Variants in KIF26B observed in about 807,000 individuals in gnomAD.
KIF26B encodes the protein kinesin-like protein KIF26B.
A neutral mutation model predicts 151.2 loss-of-function variants in KIF26B; 63 were observed. The ratio of observed to expected loss-of-function variants is 0.42; its 90% confidence interval spans 0.34 to 0.51. The LOEUF is 0.51. KIF26B is among the 20% of genes least tolerant of loss of function. The pLI, the probability that KIF26B is intolerant of heterozygous loss-of-function variation, is 0.07. For missense variants in KIF26B, 2,813 were observed against 2,913.6 expected (o/e 0.97, Z 0.79); for synonymous variants, 1,357 against 1,262.1 (o/e 1.08, Z -1.59).
chr1:245,654,099 G>T (rs1340382741), intron 10 of KIF26B, among the ~76,000 whole-genome samples: 1 of 152,164 alleles, frequency 6.6e-6, no homozygotes, highest in Non-Finnish European at 1.5e-5. Flanking sequence ...GACCCGAGGG[G>T]CAGGGCTGAT....
intron 3 of KIF26B, among the ~76,000 whole-genome samples, chr1:245,409,130 A>G (rs1674213072): frequency 2.6e-5 from 4 of 152,234 alleles, no homozygotes; most frequent in Admixed American, 2.6e-4. Flanking sequence ...AAGTATTGAG[A>G]TCCAGCATAC....
At chr1:245,266,367 T>G (rs1258774188) in intron 2 of KIF26B, among the ~76,000 whole-genome samples, 1 of 152,230 alleles carries the variant, frequency 6.6e-6, no homozygotes, top group African/African-American at 2.4e-5. Flanking sequence ...GCACAACTTT[T>G]GAAAGCAATT....
intron 2 of KIF26B, among the ~76,000 whole-genome samples, chr1:245,179,114 C>CT (rs1668861326): frequency 6.6e-6 from 1 of 152,200 alleles, no homozygotes; most frequent in Admixed American, 6.5e-5. Context: ...CTGCCCCTGT[C>CT]TTTGTGAAAG....
chr1:245,196,129 A>G (rs1011929337), intron 2 of KIF26B, among the ~76,000 whole-genome samples: 1 of 152,174 alleles, frequency 6.6e-6, no homozygotes, highest in Non-Finnish European at 1.5e-5. Flanking sequence ...CAAGGACACA[A>G]TGATTTGATG....
chr1:245,682,192 C>T (rs1203283867), intron 10 of KIF26B, among the ~76,000 whole-genome samples: 1 of 152,148 alleles, frequency 6.6e-6, no homozygotes, highest in Admixed American at 6.5e-5. Flanking sequence ...TTGCAGTGAG[C>T]CGAGATCGTG....
chr1:245,523,520 T>G (rs2103092250), intron 4 of KIF26B, among the ~76,000 whole-genome samples: 1 of 152,286 alleles, frequency 6.6e-6, no homozygotes, highest in South Asian at 2.1e-4. Context: ...TTTTGTACAG[T>G]TCTAGAGGCC....
chr1:245,451,501 TG>T (rs1443517357), intron 4 of KIF26B, among the ~76,000 whole-genome samples: 1 of 151,698 alleles, frequency 6.6e-6, no homozygotes, highest in Non-Finnish European at 1.5e-5. Context: ...AGTTAGTTAA[TG>T]TATAGCCAAT....
chr1:245,602,774 C>T lies in KIF26B; in HGVS notation c.1548C>T (p.Asp516=), dbSNP rs368089035. The change falls in exon 6 of 15, where the codon GAC becomes GAT. Residue 516 remains aspartate, a synonymous_variant. Coordinates refer to ENST00000407071, the MANE Select transcript of KIF26B (RefSeq NM_018012.4). The surrounding 1 kb of genome is among the most constrained non-coding windows in gnomAD (Gnocchi z 4.5). ...MFAFDAVFPQ[D]ASQAEVCAGT... is the part of the protein sequence containing the mutation. ...CCTTCGATGCAGTTTTTCCACAAGA[C>T]GCTTCTCAGGTGGGTATCAGCCCCC... 33 of 1,613,438 alleles carry T rather than the reference C, an allele frequency of 2.0e-5. No individual in the cohort carries two copies. Among genetic ancestry groups the T allele is most frequent in the East Asian group, 1.3e-4 (6 of 44,890 alleles).
At chr1:245,297,999 G>T (rs896664640) in intron 2 of KIF26B, among the ~76,000 whole-genome samples, 3 of 152,134 alleles carry the variant, frequency 2.0e-5, no homozygotes, top group African/African-American at 7.2e-5. Flanking sequence ...TGATTCTCCT[G>T]CCTCAGCCTC....
rs761945813 is a variant in KIF26B at position 245,540,702 on chromosome 1, G to A, written c.1167-65G>A. 51 of 1,441,662 alleles carry A rather than the reference G, an allele frequency of 3.5e-5. No homozygotes were observed. The highest frequency in any genetic ancestry group is 5.7e-5 in the South Asian group (5 of 87,676). 89.3% of individuals were successfully genotyped at this position (1,441,662 alleles called of 1,614,324 possible). A position where few individuals can be genotyped will look rare whatever the true frequency, so the allele number is the denominator to read the frequency against. On this transcript the variant is annotated intron_variant, in intron 4 of 14. Coordinates refer to ENST00000407071, the MANE Select transcript of KIF26B (RefSeq NM_018012.4). This position sits in a 1 kb window ranked among gnomAD's most constrained non-coding sequence, Gnocchi z 4.6. ...AACGAGGGGTTGTTTAAGAGAAAAC[G>A]AAGTAAGCCTAGCAGATCTGATCGT...
intron 2 of KIF26B, among the ~76,000 whole-genome samples, chr1:245,346,656 C>G (rs1404118727): frequency 6.6e-6 from 1 of 152,166 alleles, no homozygotes; most frequent in Admixed American, 6.5e-5. Flanking sequence ...CTTCACTCAA[C>G]CTCAGCCCCC....
intron 14 of KIF26B, among the ~76,000 whole-genome samples, chr1:245,701,199 G>A (rs561737797): frequency 1.3e-5 from 2 of 152,138 alleles, no homozygotes; most frequent in South Asian, 4.1e-4. Context: ...ACATGAAAGG[G>A]GAAATATATA....
intron 4 of KIF26B, among the ~76,000 whole-genome samples, chr1:245,447,948 T>G (rs1659285324): frequency 6.6e-6 from 1 of 152,200 alleles, no homozygotes; most frequent in Non-Finnish European, 1.5e-5. Context: ...TGACACCGCC[T>G]CTTTAATAAA....
intron 4 of KIF26B, among the ~76,000 whole-genome samples, chr1:245,492,320 C>G (rs1660425139): frequency 6.6e-6 from 1 of 152,188 alleles, no homozygotes; most frequent in Non-Finnish European, 1.5e-5. Flanking sequence ...CTCAGGTTCT[C>G]TAACGTTCTT....
chr1:245,304,279 C>T (rs1002908371), intron 2 of KIF26B, among the ~76,000 whole-genome samples: 1 of 152,180 alleles, frequency 6.6e-6, no homozygotes, highest in Non-Finnish European at 1.5e-5. Context: ...GGAGACCCAT[C>T]GATATCCAGG....
intron 2 of KIF26B, among the ~76,000 whole-genome samples, chr1:245,334,495 C>T (rs1037449730): frequency 1.3e-5 from 2 of 152,172 alleles, no homozygotes; most frequent in Non-Finnish European, 2.9e-5. Context: ...AGTCCCTCCT[C>T]ATAAAACATG....
chr1:245,626,811 A>T (rs1290246011), intron 9 of KIF26B, among the ~76,000 whole-genome samples: 1 of 152,196 alleles, frequency 6.6e-6, no homozygotes, highest in East Asian at 1.9e-4. Flanking sequence ...TGCCTGGACC[A>T]ATGTCCCAAA....
At position 245,521,890 on chromosome 1, in the gene KIF26B, G is replaced by A. The variant is rs575098336; in HGVS notation, c.1167-18877G>A. On this transcript the variant is annotated intron_variant, in intron 4 of 14. Coordinates refer to ENST00000407071, the MANE Select transcript of KIF26B (RefSeq NM_018012.4). ...TTTTCTTTTTTTTTGTTTTGAGATG[G>A]AGTCTTGCTCTGTCACCCAGGCTGG... 5.3e-5 allele frequency among the ~76,000 whole-genome samples: 8 copies of A among 150,054 alleles called. No individual in the cohort carries two copies. In the East Asian group the frequency reaches 1.5e-3, roughly 29 times the overall value.
At chr1:245,465,664 C>T (rs1161576085) in intron 4 of KIF26B, among the ~76,000 whole-genome samples, 1 of 152,162 alleles carries the variant, frequency 6.6e-6, no homozygotes. Context: ...GCGGATGGCG[C>T]GCTGCGTCTA....
Sources: allele counts gnomAD v4.1 joint callset (sites outside exome capture counted in the v4.1 genomes callset), GRCh38; gene constraint gnomAD v4.1.1; non-coding constraint Gnocchi (gnomAD v3.1); transcripts MANE v1.5; gene names NCBI Gene and HGNC (gene_info 2026-07-23, HGNC 2026-07-21).